The following HEXD variants were observed in gnomAD, a reference collection of about 807,000 sequenced individuals.
HEXD encodes the protein hexosaminidase D, also known as N-acetyl-beta-galactosaminidase.
A neutral mutation model predicts 54.2 loss-of-function variants in HEXD; 47 were observed. That is an observed-to-expected ratio of 0.87 (90% confidence interval 0.69 to 1.11). The LOEUF (loss-of-function observed/expected upper bound fraction) is 1.11, where lower values mean the gene tolerates loss of function less well. HEXD is among the 50% of genes least tolerant of loss of function. The pLI is 0.00. For missense variants in HEXD, 576 were observed against 649.2 expected (o/e 0.89, Z 1.23); for synonymous variants, 293 against 287.6 (o/e 1.02, Z -0.19).
chr17:82,424,899 G>T (rs138770031), intron 3 of HEXD, among the ~76,000 whole-genome samples: 274 of 152,212 alleles, frequency 1.8e-3, no homozygotes, highest in Admixed American at 3.1e-3. Flanking sequence ...GGCTAGAGAA[G>T]GCTAGAGAAA....
At chr17:82,424,988 G>T (rs1446175261) in intron 3 of HEXD, among the ~76,000 whole-genome samples, 2 of 151,350 alleles carry the variant, frequency 1.3e-5, no homozygotes, top group Non-Finnish European at 2.9e-5. Context: ...AGAGAAGGCT[G>T]GGCTAGAGAA....
At chr17:82,422,481 A>G (rs1248012845) in intron 2 of HEXD, among the ~76,000 whole-genome samples, 3 of 143,120 alleles carry the variant, frequency 2.1e-5, no homozygotes, top group East Asian at 2.2e-4. Flanking sequence ...TGGGCGATAG[A>G]GCAAGACTCA....
chr17:82,436,797 C>A, intron 7 of HEXD, 59 bp downstream of exon 7: 1 of 1,496,940 alleles, frequency 6.7e-7, no homozygotes, highest in Admixed American at 1.9e-5. Context: ...AAGGCCATCC[C>A]TGGCCCTGTG....
At chr17:82,433,129 T>TATATATA (rs1555617733) in intron 4 of HEXD, among the ~76,000 whole-genome samples, 31 of 8,440 alleles carry the variant, frequency 3.7e-3, no homozygotes, top group Non-Finnish European at 4.5e-3. Context: ...TATATATATA[T>TATATATA]TTTTTTTTTT....
rs761784707 is a variant in HEXD, at chr17:82,440,675, G to A, written c.983-322G>A. 3.1e-5 allele frequency: 13 copies of A among 419,458 alleles called. No individual in the cohort carries two copies. The East Asian group carries it at 4.8e-4, about 16-fold the overall frequency. 26.0% of individuals were successfully genotyped at this position (419,458 alleles called of 1,614,324 possible). On this transcript the variant is annotated intron_variant, in intron 9 of 12. Transcript: ENST00000327949. ...TGTAAAACACAGTGGCAAACTCTGCGTGAGCCCTGGACACCTGTGTGGGTC... is the reference window on the plus strand; with the variant it reads ...TGTAAAACACAGTGGCAAACTCTGCATGAGCCCTGGACACCTGTGTGGGTC...
At chr17:82,436,641 C>G in intron 6 of HEXD, 26 bp from the exon 7 acceptor site, 5 of 1,594,648 alleles carry the variant, frequency 3.1e-6, no homozygotes, top group Non-Finnish European at 4.3e-6. Context: ...GGTGTCTCAC[C>G]AACCTCACGT....
chr17:82,438,936 T>C (rs2053850190), intron 8 of HEXD, among the ~76,000 whole-genome samples: 1 of 152,270 alleles, frequency 6.6e-6, no homozygotes, highest in Non-Finnish European at 1.5e-5. Flanking sequence ...GGCGCATCCT[T>C]CAGGCGAGCC....
chr17:82,435,932 CAAAG>C (rs1485504777), intron 6 of HEXD, 60 bp downstream of exon 6: 2 of 1,523,858 alleles, frequency 1.3e-6, no homozygotes, highest in Non-Finnish European at 1.8e-6. Context: ...CCTGCGGCTT[CAAAG>C]AAAGAAGGTG....
chr17:82,428,592 G>T lies in HEXD; in HGVS notation c.229G>T (p.Gly77Ter). ...AATCAAAGAGATCTTGCATCTGGCT[G>T]GACTCAATGAGCTGGAGGTGATTCC... is the stretch of plus-strand genomic sequence containing the variant. The part of the protein sequence containing the change: ...SEIKEILHLA[G>*]LNELEVIPLV... The change falls in exon 4 of 13, where the codon GGA becomes TGA. Residue 77 changes from glycine to a stop codon, truncating the protein, a stop_gained. Coordinates refer to ENST00000327949, the MANE Select transcript of HEXD (RefSeq NM_001330542.2). LOFTEE classifies it high-confidence loss of function. 1 of 1,613,468 alleles carries T rather than the reference G, an allele frequency of 6.2e-7. No homozygotes were observed. Among genetic ancestry groups the T allele is most frequent in the Non-Finnish European group, 8.5e-7 (1 of 1,179,422 alleles).
chr17:82,436,545 C>A, intron 6 of HEXD, 122 bp from the exon 7 acceptor site: 2 of 762,126 alleles, frequency 2.6e-6, no homozygotes, highest in Non-Finnish European at 4.2e-6. Context: ...CAGCACGGTG[C>A]CAAGTCTGTC....
chr17:82,429,686 C>T (rs2053523010), intron 4 of HEXD, among the ~76,000 whole-genome samples: 1 of 152,110 alleles, frequency 6.6e-6, no homozygotes, highest in Non-Finnish European at 1.5e-5. Context: ...CTCCTGAGCC[C>T]CACACTTTCT....
intron 4 of HEXD, among the ~76,000 whole-genome samples, chr17:82,432,579 T>G (rs2053603792): frequency 6.6e-6 from 1 of 152,066 alleles, no homozygotes; most frequent in African/African-American, 2.4e-5. Context: ...AACATTTTTC[T>G]GTTTTTTTCT....
At chr17:82,419,938 T>C (rs924707007) in intron 2 of HEXD, 55 bp downstream of exon 2, 82 of 1,221,228 alleles carry the variant, frequency 6.7e-5, no homozygotes, top group South Asian at 3.0e-4. Flanking sequence ...CTTCATTCTT[T>C]AAAGTTTTGA....
intron 4 of HEXD, among the ~76,000 whole-genome samples, chr17:82,433,227 T>C (rs2053663064): frequency 6.8e-6 from 1 of 147,376 alleles, no homozygotes; most frequent in Non-Finnish European, 1.5e-5. Context: ...GAATCACTTG[T>C]GGTCAGGAGT....
At chr17:82,438,439 G>T (rs1450360340) in intron 8 of HEXD, among the ~76,000 whole-genome samples, 1 of 152,178 alleles carries the variant, frequency 6.6e-6, no homozygotes, top group East Asian at 1.9e-4. Flanking sequence ...TGTGACTGTG[G>T]GTCCTGCCTG....
At chr17:82,439,337 C>T in intron 8 of HEXD, 1 of 723,110 alleles carries the variant, frequency 1.4e-6, no homozygotes, top group Non-Finnish European at 1.7e-6. Context: ...GGGACAACGA[C>T]CGGCCACCCA....
chr17:82,435,995 C>T (rs1461946034), intron 6 of HEXD, 123 bp downstream of exon 6: 2 of 907,286 alleles, frequency 2.2e-6, no homozygotes, highest in African/African-American at 3.3e-5. Flanking sequence ...ACAGACCCGC[C>T]ACAACCACCT....
At position 82,418,448 on chromosome 17, in the gene HEXD, T is replaced by C. The variant is rs1274056402; in HGVS notation, c.-344T>C. On this transcript the variant is annotated 5_prime_UTR_variant, in exon 1 of 13. Transcript: ENST00000327949. The stretch of plus-strand genomic sequence containing the variant: ...CCGGCGCTCGGCCGCTCCGTTGCCC[T>C]CGGGCGCCTTGGTTGCGGCCCTCCG... The C allele has an allele frequency of 6.8e-7, 1 of 1,476,160 alleles. No homozygotes were observed. Among genetic ancestry groups the C allele is most frequent in the Non-Finnish European group, 8.9e-7 (1 of 1,119,416 alleles). 91.4% of individuals were successfully genotyped at this position (1,476,160 alleles called of 1,614,324 possible).
At chr17:82,421,317 A>G (rs1329711839) in intron 2 of HEXD, among the ~76,000 whole-genome samples, 1 of 152,296 alleles carries the variant, frequency 6.6e-6, no homozygotes, top group East Asian at 1.9e-4. Flanking sequence ...AGCGCCCCCC[A>G]CTAAGGACAA....
Sources: gnomAD v4.1 joint callset for allele counts (sites outside exome capture counted in the v4.1 genomes callset) on GRCh38, gnomAD v4.1.1 for gene constraint, MANE v1.5 for transcripts, NCBI Gene and HGNC (gene_info 2026-07-23, HGNC 2026-07-21) for gene names.